Variants in SAMD13 observed in about 807,000 individuals in gnomAD.
SAMD13 encodes the protein sterile alpha motif domain-containing protein 13.
Under a neutral mutation model 12.4 loss-of-function variants are expected in SAMD13, and 9 were observed. That is an observed-to-expected ratio of 0.72 (90% CI 0.44 to 1.26). SAMD13 has a LOEUF of 1.26. SAMD13 is among the 50% of genes most tolerant of loss of function. The probability of loss-of-function intolerance (pLI) is 0.00; values close to 1 mark genes in which losing one functional copy is unlikely to be tolerated. For synonymous variants in SAMD13, 46 were observed against 45.4 expected, an observed-to-expected ratio of 1.01 and a Z score of -0.05; for missense variants, 84 against 119.6, an observed-to-expected ratio of 0.70 and a Z score of 1.39.
intron 3 of SAMD13, among the ~76,000 whole-genome samples, chr1:84,340,533 T>C (rs1570260618): frequency 6.6e-6 from 1 of 152,352 alleles, no homozygotes; most frequent in Non-Finnish European, 1.5e-5. Context: ...TGTGACCATA[T>C]ACTTAAAAAT....
At chr1:84,321,245 T>A (rs956841835) in intron 2 of SAMD13, among the ~76,000 whole-genome samples, 1 of 152,176 alleles carries the variant, frequency 6.6e-6, no homozygotes, top group African/African-American at 2.4e-5. Context: ...TTTTTATCAA[T>A]ACTTGATGTA....
intron 3 of SAMD13, among the ~76,000 whole-genome samples, chr1:84,341,194 G>A (rs968300332): frequency 1.3e-5 from 2 of 152,256 alleles, no homozygotes; most frequent in South Asian, 4.2e-4. Context: ...CATTGGTTCT[G>A]TTTCTCTGGA....
At chr1:84,344,907 A>G in intron 3 of SAMD13, 1 of 456,744 alleles carries the variant, frequency 2.2e-6, no homozygotes, top group South Asian at 1.5e-5. Context: ...CAAAAGGGAA[A>G]CAGAGGAGAT....
At chr1:84,345,672 C>T (rs1679520162) in intron 3 of SAMD13, among the ~76,000 whole-genome samples, 1 of 152,146 alleles carries the variant, frequency 6.6e-6, no homozygotes, top group Non-Finnish European at 1.5e-5. Flanking sequence ...TTGATGGCTA[C>T]TCTTTGTCTC....
At chr1:84,329,212 A>C (rs765011332) in intron 3 of SAMD13, among the ~76,000 whole-genome samples, 8 of 152,082 alleles carry the variant, frequency 5.3e-5, no homozygotes, top group Non-Finnish European at 1.0e-4. Context: ...AGCCTTCTAC[A>C]AGCCAGCAGG....
intron 3 of SAMD13, among the ~76,000 whole-genome samples, chr1:84,327,936 T>TTTTG (rs1204807219): frequency 6.6e-6 from 1 of 152,206 alleles, no homozygotes; most frequent in Non-Finnish European, 1.5e-5. Flanking sequence ...ACATATTTTA[T>TTTTG]TTTGTTTTTC....
rs555873251 is a variant in SAMD13, at chr1:84,326,032, G to A, written c.165+284G>A. Among the ~76,000 whole-genome samples, 4 of 152,298 alleles carry A rather than the reference G, an allele frequency of 2.6e-5. No homozygotes were observed. In the East Asian group the frequency reaches 7.7e-4, roughly 29 times the overall value. ...AAGACTGATCATACTCAAGGGTGGA[G>A]TGAATCAGCCCTACCTTCAATGAAA... On this transcript the variant is annotated intron_variant, in intron 3 of 3. Coordinates refer to ENST00000394834, the MANE Select transcript of SAMD13 (RefSeq NM_001134663.2).
chr1:84,303,225 C>A lies in SAMD13; in HGVS notation c.-10C>A. 1 of 1,612,780 alleles carries A rather than the reference C, an allele frequency of 6.2e-7. No individual in the cohort carries two copies. Among genetic ancestry groups the A allele is most frequent in the Middle Eastern group, 1.7e-4 (1 of 6,054 alleles). ...TAGTTGCTGAAGTAAAGGAACCCTGCAGCCTTCCCATGCTATCTGTTGACA... is the reference window on the plus strand; with the variant it reads ...TAGTTGCTGAAGTAAAGGAACCCTGAAGCCTTCCCATGCTATCTGTTGACA... On this transcript the variant is annotated 5_prime_UTR_variant, in exon 2 of 4. Coordinates refer to ENST00000394834, the MANE Select transcript of SAMD13 (RefSeq NM_001134663.2).
chr1:84,329,714 C>T (rs1023632859), intron 3 of SAMD13, among the ~76,000 whole-genome samples: 3 of 152,226 alleles, frequency 2.0e-5, no homozygotes, highest in Non-Finnish European at 4.4e-5. Context: ...TCTGGCAATC[C>T]TCTTTTGAGT....
chr1:84,341,317 G>A (rs750393028), intron 3 of SAMD13, among the ~76,000 whole-genome samples: 99 of 152,108 alleles, frequency 6.5e-4, no homozygotes, highest in Non-Finnish European at 1.0e-3. Context: ...ATGGGGATTG[G>A]TAGAGATTTA....
At position 84,350,347 on chromosome 1, in the gene SAMD13, C is replaced by T. The variant is rs544085710; in HGVS notation, c.*573C>T. On this transcript the variant is annotated 3_prime_UTR_variant, in exon 4 of 4. Coordinates refer to ENST00000394834, the MANE Select transcript of SAMD13 (RefSeq NM_001134663.2). Reference sequence around the variant, plus strand: ...GTTTGAAATGAACATGCATCATGGCCCCTTCAGGAGCAGAATCATAGCTCT... The same window carrying T: ...GTTTGAAATGAACATGCATCATGGCTCCTTCAGGAGCAGAATCATAGCTCT... The T allele has an allele frequency of 6.6e-6, 1 of 152,188 alleles. No individual in the cohort carries two copies. The highest frequency in any genetic ancestry group is 2.1e-4 in the South Asian group (1 of 4,818). The allele number at this position is 152,188 out of a possible 1,614,324, so 9.4% of individuals were successfully genotyped here.
intron 3 of SAMD13, among the ~76,000 whole-genome samples, chr1:84,348,331 G>A (rs1558468195): frequency 6.6e-6 from 1 of 152,130 alleles, no homozygotes; most frequent in East Asian, 1.9e-4. Flanking sequence ...TCCCAGCCTG[G>A]CAAGCAAGGC....
At chr1:84,318,671 A>G (rs1678883269) in intron 2 of SAMD13, among the ~76,000 whole-genome samples, 1 of 152,128 alleles carries the variant, frequency 6.6e-6, no homozygotes, top group South Asian at 2.1e-4. Context: ...TGGTTTCTTG[A>G]ATATTGATAA....
At chr1:84,307,589 T>C (rs1678607806) in intron 2 of SAMD13, among the ~76,000 whole-genome samples, 1 of 152,208 alleles carries the variant, frequency 6.6e-6, no homozygotes, top group Non-Finnish European at 1.5e-5. Flanking sequence ...TAATTTTTGG[T>C]TGAATGACAG....
chr1:84,313,035 A>G (rs966975452), intron 2 of SAMD13, among the ~76,000 whole-genome samples: 1 of 152,118 alleles, frequency 6.6e-6, no homozygotes, highest in African/African-American at 2.4e-5. Flanking sequence ...TAGGTTCATG[A>G]GTATTTATTT....
At chr1:84,310,474 CTT>C (rs1678685507) in intron 2 of SAMD13, among the ~76,000 whole-genome samples, 1 of 152,184 alleles carries the variant, frequency 6.6e-6, no homozygotes, top group Non-Finnish European at 1.5e-5. Context: ...ACAAGCTTGA[CTT>C]ACAGGATCTC....
chr1:84,317,687 T>C (rs534416843), intron 2 of SAMD13, among the ~76,000 whole-genome samples: 2 of 152,176 alleles, frequency 1.3e-5, no homozygotes, highest in East Asian at 3.9e-4. Flanking sequence ...TCTGGCTTGG[T>C]ATGAGGGTAA....
intron 2 of SAMD13, among the ~76,000 whole-genome samples, chr1:84,308,006 G>A (rs1678620102): frequency 6.6e-6 from 1 of 152,034 alleles, no homozygotes; most frequent in South Asian, 2.1e-4. Flanking sequence ...CAGACCTCCA[G>A]AGTTCTCTTT....
intron 1 of SAMD13, chr1:84,302,697 G>A: frequency 1.0e-6 from 1 of 985,496 alleles, no homozygotes; most frequent in Non-Finnish European, 1.2e-6. Context: ...TGAGGTAGGG[G>A]AATACTTGCT....
Sources: gnomAD v4.1 joint callset for allele counts (sites outside exome capture counted in the v4.1 genomes callset) on GRCh38, gnomAD v4.1.1 for gene constraint, MANE v1.5 for transcripts, NCBI Gene and HGNC (gene_info 2026-07-23, HGNC 2026-07-21) for gene names.